TMEM45A: variants seen among roughly 807,000 people sequenced by gnomAD.
TMEM45A encodes DNA polymerase-transactivated protein 4.
Under a neutral mutation model 32.0 loss-of-function variants are expected in TMEM45A, and 25 were observed. The ratio of observed to expected loss-of-function variants is 0.78; its 90% confidence interval spans 0.57 to 1.09. The LOEUF (loss-of-function observed/expected upper bound fraction) is 1.09, where lower values mean the gene tolerates loss of function less well. TMEM45A is among the 50% of genes least tolerant of loss of function. The probability of loss-of-function intolerance (pLI) is 0.00; values close to 1 mark genes in which losing one functional copy is unlikely to be tolerated. For synonymous variants in TMEM45A, 122 were observed against 114.8 expected, an observed-to-expected ratio of 1.06 and a Z score of -0.40; for missense variants, 302 against 325.0, an observed-to-expected ratio of 0.93 and a Z score of 0.54.
intron 1 of TMEM45A, among the ~76,000 whole-genome samples, chr3:100,521,481 G>A (rs756094751): frequency 5.3e-5 from 8 of 152,130 alleles, no homozygotes; most frequent in African/African-American, 1.2e-4. Context: ...TCGAGTTCCC[G>A]ACCTCAGGTG....
intron 1 of TMEM45A, among the ~76,000 whole-genome samples, chr3:100,518,394 T>C: frequency 6.6e-6 from 1 of 152,230 alleles, no homozygotes; most frequent in African/African-American, 2.4e-5. Context: ...CAGAGGTCTC[T>C]TTTCTTCTTC....
At chr3:100,513,667 GA>G (rs1305132750) in intron 1 of TMEM45A, among the ~76,000 whole-genome samples, 1 of 151,000 alleles carries the variant, frequency 6.6e-6, no homozygotes, top group African/African-American at 2.4e-5. Context: ...ATTCAATTAG[GA>G]AAAGAGGAAG....
chr3:100,511,927 T>C (rs1304084215), intron 1 of TMEM45A, among the ~76,000 whole-genome samples: 1 of 151,998 alleles, frequency 6.6e-6, no homozygotes, highest in Non-Finnish European at 1.5e-5. Flanking sequence ...GAGCTAACTA[T>C]CCTAAATATA....
chr3:100,519,472 G>C, intron 1 of TMEM45A: 4 of 1,259,640 alleles, frequency 3.2e-6, no homozygotes, highest in Non-Finnish European at 4.5e-6. Context: ...AAACTTTTCA[G>C]CATTACCTAA....
chr3:100,558,384 A>T, intron 3 of TMEM45A, 21 bp from the exon 4 acceptor site: 1 of 1,611,966 alleles, frequency 6.2e-7, no homozygotes, highest in South Asian at 1.1e-5. Context: ...TGAAAAAGAC[A>T]ATCTGTTTTT....
chr3:100,576,843 C>A, intron 5 of TMEM45A, 82 bp from the exon 6 acceptor site: 1 of 1,053,028 alleles, frequency 9.5e-7, no homozygotes, highest in Non-Finnish European at 1.4e-6. Flanking sequence ...ATAATCTAGA[C>A]TTTGTGGTAT....
chr3:100,514,630 T>A (rs944498791), intron 1 of TMEM45A, among the ~76,000 whole-genome samples: 1 of 152,008 alleles, frequency 6.6e-6, no homozygotes, highest in Non-Finnish European at 1.5e-5. Flanking sequence ...ACAAGTGGGA[T>A]CTAATTAAAC....
intron 1 of TMEM45A, among the ~76,000 whole-genome samples, chr3:100,523,667 C>T (rs953922085): frequency 4.1e-5 from 6 of 146,932 alleles, no homozygotes; most frequent in Non-Finnish European, 8.9e-5. Flanking sequence ...TTCTCTTCTT[C>T]CTCCTCCCCC....
At chr3:100,565,544 C>G (rs773727182) in intron 4 of TMEM45A, among the ~76,000 whole-genome samples, 7 of 151,552 alleles carry the variant, frequency 4.6e-5, no homozygotes, top group African/African-American at 1.7e-4. Context: ...ATTTTATTAT[C>G]GAGATAATAA....
chr3:100,558,649 TTGA>T (rs1706271111), intron 4 of TMEM45A, 60 bp downstream of exon 4: 1 of 1,559,850 alleles, frequency 6.4e-7, no homozygotes. Context: ...CTCTGTTTAT[TTGA>T]TGAGGCAGTT....
At chr3:100,538,739 T>C (rs1474357675) in intron 1 of TMEM45A, among the ~76,000 whole-genome samples, 2 of 152,046 alleles carry the variant, frequency 1.3e-5, no homozygotes, top group East Asian at 3.8e-4. Context: ...ACAAGATTAA[T>C]ATATAAAAGT....
intron 1 of TMEM45A, among the ~76,000 whole-genome samples, chr3:100,538,571 T>C (rs1184827253): frequency 6.6e-6 from 1 of 152,090 alleles, no homozygotes; most frequent in Non-Finnish European, 1.5e-5. Context: ...TGCAGTAATA[T>C]GATAAAAGGG....
intron 1 of TMEM45A, among the ~76,000 whole-genome samples, chr3:100,513,731 C>A (rs1379148522): frequency 2.0e-5 from 3 of 152,170 alleles, no homozygotes; most frequent in Non-Finnish European, 4.4e-5. Flanking sequence ...AAAACCCCAT[C>A]ATCTCAGCCC....
At chr3:100,572,470 G>T (rs912836968) in intron 5 of TMEM45A, 33 of 151,484 alleles carry the variant, frequency 2.2e-4, no homozygotes, top group Admixed American at 5.2e-4. Context: ...TTGTAAATTT[G>T]TTTGAGTTCA....
chr3:100,540,474 A>G (rs1230818297), intron 1 of TMEM45A, among the ~76,000 whole-genome samples: 1 of 152,230 alleles, frequency 6.6e-6, no homozygotes, highest in Non-Finnish European at 1.5e-5. Context: ...ATTGCAAATT[A>G]AAACAACAGT....
intron 1 of TMEM45A, among the ~76,000 whole-genome samples, chr3:100,522,237 A>G (rs1005023040): frequency 5.9e-5 from 9 of 152,120 alleles, no homozygotes; most frequent in African/African-American, 2.2e-4. Flanking sequence ...GGTGCCAGGC[A>G]GTGGTTTGGG....
At chr3:100,509,820 C>T (rs556856150) in intron 1 of TMEM45A, among the ~76,000 whole-genome samples, 1 of 152,308 alleles carries the variant, frequency 6.6e-6, no homozygotes, top group East Asian at 1.9e-4. Flanking sequence ...TGCAAGGGGT[C>T]AGGGACTTCC....
chr3:100,576,526 A>C (rs1410001322), intron 5 of TMEM45A, among the ~76,000 whole-genome samples: 1 of 152,050 alleles, frequency 6.6e-6, no homozygotes, highest in East Asian at 1.9e-4. Flanking sequence ...AGGCTGAGGC[A>C]GGAGGATTGC....
chr3:100,530,095 C>G (rs964708252), intron 1 of TMEM45A, among the ~76,000 whole-genome samples: 4 of 152,090 alleles, frequency 2.6e-5, no homozygotes, highest in Non-Finnish European at 5.9e-5. Context: ...TACTGATTAC[C>G]CCGTTTCAAC....
Sources: allele counts gnomAD v4.1 joint callset (sites outside exome capture counted in the v4.1 genomes callset), GRCh38; gene constraint gnomAD v4.1.1; transcripts MANE v1.5; gene names NCBI Gene and HGNC (gene_info 2026-07-23, HGNC 2026-07-21).